The following PCDHGA11 variants were observed in gnomAD, a reference collection of about 807,000 sequenced individuals.
PCDHGA11 encodes the protein protocadherin gamma-A11.
A neutral mutation model predicts 60.4 loss-of-function variants in PCDHGA11; 39 were observed. The ratio of observed to expected loss-of-function variants is 0.65; its 90% CI spans 0.50 to 0.84. PCDHGA11 has a LOEUF of 0.84. Among genes scored for constraint, PCDHGA11 ranks in the 40% least tolerant of loss-of-function variants. PCDHGA11 has a pLI of 0.00. For missense variants in PCDHGA11, 1,165 were observed against 1,197.7 expected, an observed-to-expected ratio of 0.97 and a Z score of 0.40; for synonymous variants, 533 against 510.3, an observed-to-expected ratio of 1.04 and a Z score of -0.60.
intron 3 of PCDHGA11, chr5:141,507,335 T>A (rs1228652205): frequency 6.6e-6 from 1 of 151,804 alleles, no homozygotes; most frequent in Non-Finnish European, 1.5e-5. Context: ...TGCTCATTGT[T>A]TACCTGAAAT....
At position 141,487,635 on chromosome 5, in the gene PCDHGA11, A is replaced by C. The variant is rs1594699829; in HGVS notation, c.2434-7172A>C. 1.2e-6 allele frequency: 2 copies of C among 1,614,204 alleles called. No individual in the cohort carries two copies. Among genetic ancestry groups the C allele is most frequent in the Non-Finnish European group, 1.7e-6 (2 of 1,180,034 alleles). On this transcript the variant is annotated intron_variant, in intron 1 of 3. Transcript: ENST00000398587. The surrounding 1 kb of genome is among the most constrained non-coding windows in gnomAD (Gnocchi z 5.0). Reference sequence around the variant, plus strand: ...CTAGAGGTGAGACCTTTGCAGGCTCAACAAATGCTTGAGGGTTATTCTGAT... The same window carrying C: ...CTAGAGGTGAGACCTTTGCAGGCTCCACAAATGCTTGAGGGTTATTCTGAT...
intron 1 of PCDHGA11, among the ~76,000 whole-genome samples, chr5:141,456,006 T>C (rs909931677): frequency 6.6e-6 from 1 of 151,852 alleles, no homozygotes; most frequent in Non-Finnish European, 1.5e-5. Flanking sequence ...CATGCCATTC[T>C]CCTGCCTCAG....
At position 141,485,971 on chromosome 5, in the gene PCDHGA11, C is replaced by T; in HGVS notation, c.2434-8836C>T. On this transcript the variant is annotated intron_variant, in intron 1 of 3. Transcript: ENST00000398587. This position sits in a 1 kb window ranked among gnomAD's most constrained non-coding sequence, Gnocchi z 5.7. Reference sequence around the variant, plus strand: ...GCATGGTGCTCATCCAGCTCAATGCCTCAGACCCGGACCTGGGTCCCAGTG... The same window carrying T: ...GCATGGTGCTCATCCAGCTCAATGCTTCAGACCCGGACCTGGGTCCCAGTG... The T allele has an allele frequency of 6.2e-7, 1 of 1,614,196 alleles. No individual in the cohort carries two copies. The highest frequency in any genetic ancestry group is 8.5e-7 in the Non-Finnish European group (1 of 1,180,042).
chr5:141,492,695 A>G (rs925499358), intron 1 of PCDHGA11, among the ~76,000 whole-genome samples: 14 of 152,214 alleles, frequency 9.2e-5, no homozygotes, highest in African/African-American at 3.1e-4. Context: ...CGACCCCTCA[A>G]CCCAGAAGCC....
At chr5:141,473,169 C>T (rs141382764) in intron 1 of PCDHGA11, among the ~76,000 whole-genome samples, 2 of 152,286 alleles carry the variant, frequency 1.3e-5, no homozygotes, top group East Asian at 3.9e-4. Context: ...GGAAGGCCCA[C>T]TGGTAACTTG....
Position 141,503,010 on chromosome 5 carries a change from AT to A in PCDHGA11, c.2493-2371del, listed in dbSNP as rs199924715. ...AGGCGTGTGCCACCATGCCCGGTTA[AT>A]TTTTTTTTTTTAATATCTATTTTAG... On this transcript the variant is annotated intron_variant, in intron 2 of 3. Coordinates refer to ENST00000398587, the MANE Select transcript of PCDHGA11 (RefSeq NM_018914.3). Among the ~76,000 whole-genome samples the A allele has an allele frequency of 6.8e-3, 997 of 146,562 alleles. 9 individuals are homozygous for A. The highest frequency in any genetic ancestry group is 0.023 in the African/African-American group (916 of 39,838).
intron 3 of PCDHGA11, 110 bp from the exon 4 acceptor site, chr5:141,510,837 G>A (rs969654751): frequency 1.3e-6 from 2 of 1,586,392 alleles, no homozygotes; most frequent in Non-Finnish European, 8.6e-7. Context: ...GCTCAGCGTG[G>A]TCAAGGCCCA....
At chr5:141,461,924 A>C (rs930104571) in intron 1 of PCDHGA11, among the ~76,000 whole-genome samples, 1 of 152,100 alleles carries the variant, frequency 6.6e-6, no homozygotes, top group East Asian at 1.9e-4. Context: ...CCTGGGTTCC[A>C]GCAATTCTCC....
chr5:141,478,040 C>G (rs773058963), intron 1 of PCDHGA11: 1 of 1,614,160 alleles, frequency 6.2e-7, no homozygotes, highest in Non-Finnish European at 8.5e-7. Context: ...TTCACCCAGG[C>G]AGACTCTCAC....
Position 141,477,818 on chromosome 5 carries a change from C to T in PCDHGA11, c.2434-16989C>T, listed in dbSNP as rs202009040. 33 of 1,614,040 alleles carry T rather than the reference C, an allele frequency of 2.0e-5. No homozygotes were observed. The highest frequency in any genetic ancestry group is 1.3e-4 in the Admixed American group (8 of 60,006). On this transcript the variant is annotated intron_variant, in intron 1 of 3. Transcript: ENST00000398587. This position sits in a 1 kb window ranked among gnomAD's most constrained non-coding sequence, Gnocchi z 4.9. ...TCGCAATGACAATGCCCCCCAGGTCCTATATCCTCGGCCAGGTGGGAGCTC... is the reference window on the plus strand; with the variant it reads ...TCGCAATGACAATGCCCCCCAGGTCTTATATCCTCGGCCAGGTGGGAGCTC...
Position 141,422,771 on chromosome 5 carries a change from T to C in PCDHGA11, c.1544T>C (p.Leu515Pro), listed in dbSNP as rs2096671394. The C allele has an allele frequency of 6.2e-7, 1 of 1,613,954 alleles. No homozygotes were observed. Among genetic ancestry groups the C allele is most frequent in the Non-Finnish European group, 8.5e-7 (1 of 1,179,856 alleles). The change falls in exon 1 of 4, where the codon CTC (leucine) becomes CCC (proline). Residue 515 changes from leucine (L) to proline (P), a missense_variant. By Grantham distance (98) the Leu-to-Pro change is moderately conservative. Transcript: ENST00000398587. ...YVSINSNTGV[L>P]YALQSFDYEQ... ...TCTATTAACTCCAACACTGGTGTTC[T>C]CTATGCCCTACAATCCTTCGACTAT...
chr5:141,436,700 C>T (rs2097841356), intron 1 of PCDHGA11, among the ~76,000 whole-genome samples: 1 of 152,166 alleles, frequency 6.6e-6, no homozygotes, highest in Non-Finnish European at 1.5e-5. Flanking sequence ...AATGCCAGCA[C>T]ACTCGATGTT....
In PCDHGA11 at chr5:141,490,601, T is replaced by C. The variant is rs777393370; in HGVS notation, c.2434-4206T>C. 1 of 1,614,176 alleles carries C rather than the reference T, an allele frequency of 6.2e-7. No homozygotes were observed. The highest frequency in any genetic ancestry group is 8.5e-7 in the Non-Finnish European group (1 of 1,180,030). ...GATGTCAATGACAATGCACCCCGCTTCAACCAGCAGCTTTACACTGCTTAC... is the reference window on the plus strand; with the variant it reads ...GATGTCAATGACAATGCACCCCGCTCCAACCAGCAGCTTTACACTGCTTAC... On this transcript the variant is annotated intron_variant, in intron 1 of 3. Transcript: ENST00000398587. This position sits in a 1 kb window ranked among gnomAD's most constrained non-coding sequence, Gnocchi z 5.4.
In PCDHGA11 at chr5:141,489,744, C is replaced by T. The variant is rs185263705; in HGVS notation, c.2434-5063C>T. The T allele has an allele frequency of 1.1e-5, 18 of 1,614,144 alleles. No homozygotes were observed. In the Admixed American group the frequency reaches 2.8e-4, roughly 25 times the overall value. Reference sequence around the variant, plus strand: ...CGGATGTGGGCACCAATACTGTGAGCTTTTACACTCTAAGCCCCAACAGCC... The same window carrying T: ...CGGATGTGGGCACCAATACTGTGAGTTTTTACACTCTAAGCCCCAACAGCC... On this transcript the variant is annotated intron_variant, in intron 1 of 3. Transcript: ENST00000398587. This position sits in a 1 kb window ranked among gnomAD's most constrained non-coding sequence, Gnocchi z 4.5.
chr5:141,477,189 A>G lies in PCDHGA11; in HGVS notation c.2434-17618A>G, dbSNP rs377372902. ...CCGGAGATCACAGTCACCTCCGTGT[A>G]CAGCCCAGTACCCGAGGATGCCCCT... On this transcript the variant is annotated intron_variant, in intron 1 of 3. Coordinates refer to ENST00000398587, the MANE Select transcript of PCDHGA11 (RefSeq NM_018914.3). The surrounding 1 kb of genome is among the most constrained non-coding windows in gnomAD (Gnocchi z 4.9). 6.2e-7 allele frequency: 1 copy of G among 1,614,070 alleles called. No homozygotes were observed. The highest frequency in any genetic ancestry group is 8.5e-7 in the Non-Finnish European group (1 of 1,180,040).
chr5:141,433,914 C>A (rs2097664630), intron 1 of PCDHGA11, among the ~76,000 whole-genome samples: 1 of 151,702 alleles, frequency 6.6e-6, no homozygotes, highest in Admixed American at 6.6e-5. Context: ...TTACAATCAC[C>A]TCCAAATGAA....
chr5:141,438,576 A>C (rs1016175176), intron 1 of PCDHGA11, among the ~76,000 whole-genome samples: 4 of 55,572 alleles, frequency 7.2e-5, no homozygotes, highest in Non-Finnish European at 1.2e-4. Context: ...TCTGATATAC[A>C]TACATACATA....
chr5:141,432,087 C>G lies in PCDHGA11; in HGVS notation c.2433+8427C>G. On this transcript the variant is annotated intron_variant, in intron 1 of 3. Coordinates refer to ENST00000398587, the MANE Select transcript of PCDHGA11 (RefSeq NM_018914.3). This position sits in a 1 kb window ranked among gnomAD's most constrained non-coding sequence, Gnocchi z 6.0. ...GAAACTCATATCTCGCTGAACGTGG[C>G]AGACACCAACGACAACCCGCCGGTC... 3 of 1,614,178 alleles carry G rather than the reference C, an allele frequency of 1.9e-6. No homozygotes were observed. The highest frequency in any genetic ancestry group is 2.5e-6 in the Non-Finnish European group (3 of 1,180,042).
At chr5:141,442,358 A>C (rs2098318223) in intron 1 of PCDHGA11, 1 of 152,304 alleles carries the variant, frequency 6.6e-6, no homozygotes, top group African/African-American at 2.4e-5. Context: ...CTGTAGCTCT[A>C]TGATGCCATA....
Sources: allele counts gnomAD v4.1 joint callset (sites outside exome capture counted in the v4.1 genomes callset), GRCh38; gene constraint gnomAD v4.1.1; non-coding constraint Gnocchi (gnomAD v3.1); transcripts MANE v1.5; gene names NCBI Gene and HGNC (gene_info 2026-07-23, HGNC 2026-07-21).